The following G3BP2 variants were observed in gnomAD, a reference collection of about 807,000 sequenced individuals.
The protein encoded by G3BP2 is ras GTPase-activating protein-binding protein 2.
In G3BP2, 11 loss-of-function variants were observed where a neutral mutation model predicts 56.7. That is an observed-to-expected ratio of 0.19 (90% confidence interval 0.12 to 0.32). The LOEUF is 0.32. Among genes scored for constraint, G3BP2 ranks in the 10% least tolerant of loss-of-function variants. The pLI is 1.00. For synonymous variants in G3BP2, 165 were observed against 191.6 expected (o/e 0.86, Z 1.15); for missense variants, 340 against 610.9 (o/e 0.56, Z 4.67).
At position 75,658,893 on chromosome 4, in the gene G3BP2, C is replaced by G. The variant is rs574345924; in HGVS notation, c.127G>C (p.Gly43Arg). ...GGCTTTCCACTAGCATCTACTCCAC[C>G]ATGAACATAGGAAGAATTCCTGCCA... ...FYGRNSSYVH[G>R]GVDASGKPQE... is the part of the protein sequence containing the mutation. The change falls in exon 3 of 12, where the codon GGT becomes CGT. Residue 43 changes from glycine (G) to arginine (R), a missense_variant. By Grantham distance (125) the Gly-to-Arg change is moderately radical. Around this residue, in one of 4 missense-constraint regions of G3BP2, gnomAD observed 21 missense variants for 83.7 expected, o/e 0.25. Transcript: ENST00000359707. The G allele has an allele frequency of 6.2e-7, 1 of 1,612,812 alleles. No individual in the cohort carries two copies. The highest frequency in any genetic ancestry group is 1.3e-5 in the African/African-American group (1 of 75,024).
chr4:75,683,308 T>C (rs367713766), intron 3 of G3BP2, among the ~76,000 whole-genome samples: 1 of 152,072 alleles, frequency 6.6e-6, no homozygotes, highest in African/African-American at 2.4e-5. Flanking sequence ...ACACCTGTAA[T>C]CCCAGCATTT....
chr4:75,667,913 T>C (rs376092895), intron 1 of G3BP2, among the ~76,000 whole-genome samples: 3 of 152,076 alleles, frequency 2.0e-5, no homozygotes, highest in East Asian at 1.9e-4. Flanking sequence ...CCGAAAACAT[T>C]ATCCAGTATA....
At chr4:75,652,362 C>T (rs1487202813) in intron 8 of G3BP2, among the ~76,000 whole-genome samples, 1 of 152,206 alleles carries the variant, frequency 6.6e-6, no homozygotes, top group Non-Finnish European at 1.5e-5. Flanking sequence ...GTGGCTCATG[C>T]CTGTAATCCC....
intron 3 of G3BP2, among the ~76,000 whole-genome samples, chr4:75,702,171 ATTTT>A (rs57529973): frequency 4.7e-5 from 5 of 107,480 alleles, no homozygotes; most frequent in African/African-American, 7.2e-5. Context: ...AAACCCCCCA[ATTTT>A]TTTTTTTTTT....
intron 1 of G3BP2, among the ~76,000 whole-genome samples, chr4:75,723,704 C>A (rs149052443): frequency 6.6e-6 from 1 of 152,076 alleles, no homozygotes; most frequent in East Asian, 1.9e-4. Flanking sequence ...GGAAAGATGA[C>A]GAGTTCAATT....
At chr4:75,721,271 C>T (rs1720168005) in intron 2 of G3BP2, among the ~76,000 whole-genome samples, 2 of 141,458 alleles carry the variant, frequency 1.4e-5, no homozygotes, top group Non-Finnish European at 1.5e-5. Context: ...TTTTTTGGGA[C>T]AGGGTCTCAC....
intron 3 of G3BP2, among the ~76,000 whole-genome samples, chr4:75,699,341 C>G (rs769345601): frequency 6.6e-6 from 1 of 152,210 alleles, no homozygotes; most frequent in Non-Finnish European, 1.5e-5. Context: ...CTCTTCTATC[C>G]TTTTTGAACC....
chr4:75,718,005 G>A (rs1208427644), intron 3 of G3BP2, among the ~76,000 whole-genome samples: 1 of 151,960 alleles, frequency 6.6e-6, no homozygotes, highest in African/African-American at 2.4e-5. Context: ...TGGGTGTGCT[G>A]GCACGCACCT....
At chr4:75,645,808 ATC>A (rs1489862193) in intron 11 of G3BP2, 106 bp from the exon 12 acceptor site, 3 of 1,014,442 alleles carry the variant, frequency 3.0e-6, no homozygotes, top group Admixed American at 4.5e-5. Context: ...AAACACTTTT[ATC>A]AGCCCCCCAC....
intron 3 of G3BP2, among the ~76,000 whole-genome samples, chr4:75,691,891 C>T (rs1718873256): frequency 6.6e-6 from 1 of 152,118 alleles, no homozygotes; most frequent in South Asian, 2.1e-4. Flanking sequence ...CACGCATACT[C>T]CTCAGGTGAT....
intron 3 of G3BP2, among the ~76,000 whole-genome samples, chr4:75,716,470 C>T (rs759434246): frequency 2.0e-5 from 3 of 151,712 alleles, no homozygotes; most frequent in Admixed American, 1.3e-4. Context: ...CCACCACACC[C>T]GGCCCTCTTC....
At chr4:75,704,012 G>GTTTTTTTTTTTTTTTT (rs11315970) in intron 3 of G3BP2, among the ~76,000 whole-genome samples, 1 of 138,960 alleles carries the variant, frequency 7.2e-6, no homozygotes. Flanking sequence ...TCTATGAAAG[G>GTTTTTTTTTTTTTTTT]TTTTTTTTTT....
At chr4:75,697,654 C>T (rs1347142711) in intron 3 of G3BP2, among the ~76,000 whole-genome samples, 1 of 152,076 alleles carries the variant, frequency 6.6e-6, no homozygotes, top group Non-Finnish European at 1.5e-5. Flanking sequence ...GAAATACAGG[C>T]CAGGTGCAGT....
chr4:75,643,775 C>A lies in G3BP2; in HGVS notation c.*1655G>T, dbSNP rs1456012196. The A allele has an allele frequency of 6.6e-6, 1 of 152,590 alleles. No individual in the cohort carries two copies. Among genetic ancestry groups the A allele is most frequent in the Admixed American group, 6.5e-5 (1 of 15,280 alleles). The allele number at this position is 152,590 out of a possible 1,614,324, so 9.5% of individuals were successfully genotyped here. ...TGGAGAAGTCTTCCATGCTAACGAG[C>A]AGCTTTAAGTGGTCACACTTATTTA... On this transcript the variant is annotated 3_prime_UTR_variant, in exon 12 of 12. Transcript: ENST00000359707.
chr4:75,703,492 G>A lies in G3BP2; in HGVS notation c.-25+17385C>T, dbSNP rs551788312. Among the ~76,000 whole-genome samples the A allele has an allele frequency of 2.6e-5, 4 of 152,236 alleles. No individual in the cohort carries two copies. The East Asian group carries it at 7.7e-4, about 29-fold the overall frequency. On this transcript the variant is annotated intron_variant, in intron 3 of 3. Coordinates refer to the G3BP2 transcript ENST00000499709. ...TTTACTAAATGTCTACAAAGGGCCA[G>A]TCCTAAAATGTATACGACTGTGAAA...
Position 75,684,023 on chromosome 4 carries a change from T to C in G3BP2, c.-24-21974A>G, listed in dbSNP as rs200370522. ...TATGGAGAATCCAAGAGACTTTCAA[T>C]GAGTAATTCAAGGAATAATAAGAAG... On this transcript the variant is annotated intron_variant, in intron 3 of 3. Coordinates refer to the G3BP2 transcript ENST00000499709. Among the ~76,000 whole-genome samples, 37 of 152,130 alleles carry C rather than the reference T, an allele frequency of 2.4e-4. No homozygotes were observed. The East Asian group carries it at 4.0e-3, about 17-fold the overall frequency.
intron 9 of G3BP2, among the ~76,000 whole-genome samples, chr4:75,648,012 T>C (rs546945728): frequency 3.3e-5 from 5 of 152,310 alleles, no homozygotes; most frequent in African/African-American, 1.2e-4. Context: ...GAGATAAGAC[T>C]GCTAAGAGAG....
At chr4:75,681,704 C>T (rs1219461748) in intron 3 of G3BP2, among the ~76,000 whole-genome samples, 1 of 151,666 alleles carries the variant, frequency 6.6e-6, no homozygotes, top group Non-Finnish European at 1.5e-5. Flanking sequence ...CAAAACTTAG[C>T]CGGGCGTGGT....
At chr4:75,716,403 G>A (rs943119994) in intron 3 of G3BP2, among the ~76,000 whole-genome samples, 6 of 152,108 alleles carry the variant, frequency 3.9e-5, no homozygotes, top group Admixed American at 3.3e-4. Flanking sequence ...TCAAACTCTT[G>A]AGCTCAGGTG....
Sources: gnomAD v4.1 joint callset for allele counts (sites outside exome capture counted in the v4.1 genomes callset) on GRCh38, gnomAD v4.1.1 for gene constraint, gnomAD v4.1.1 regional missense constraint, MANE v1.5 for transcripts, NCBI Gene and HGNC (gene_info 2026-07-23, HGNC 2026-07-21) for gene names.